TLN2: variants seen among roughly 807,000 people sequenced by gnomAD.
The protein encoded by TLN2 is talin-2.
Under a neutral mutation model 294.7 loss-of-function variants are expected in TLN2, and 118 were observed. The observed-to-expected ratio is 0.40, with a 90% CI of 0.34 to 0.47. TLN2 has a LOEUF of 0.47. TLN2 is among the 20% of genes least tolerant of loss of function. The probability of loss-of-function intolerance (pLI) is 0.84; values close to 1 mark genes in which losing one functional copy is unlikely to be tolerated. For synonymous variants in TLN2, 1,431 were observed against 1,304.5 expected (o/e 1.10, Z -2.09); for missense variants, 3,083 against 3,282.2 (o/e 0.94, Z 1.48).
At position 62,725,083 on chromosome 15, in the gene TLN2, G is replaced by A. The variant is rs1325213489; in HGVS notation, c.3234G>A (p.Leu1078=). 6.2e-7 allele frequency: 1 copy of A among 1,612,780 alleles called. No homozygotes were observed. Among genetic ancestry groups the A allele is most frequent in the African/African-American group, 1.3e-5 (1 of 75,054 alleles). ...AGATGGCAGCCGTGGAGAGCCAGCTGAAGCCACTTCCAGGGGAAACGGTGA... is the reference window on the plus strand; with the variant it reads ...AGATGGCAGCCGTGGAGAGCCAGCTAAAGCCACTTCCAGGGGAAACGGTGA... ...DAKMAAVESQ[L]KPLPGETLEK... is the part of the protein sequence containing the mutation. Residue 1078 remains leucine, a synonymous_variant, in exon 27 of 59, where the codon CTG becomes CTA. Coordinates refer to ENST00000636159, the MANE Select transcript of TLN2 (RefSeq NM_015059.3).
intron 21 of TLN2, among the ~76,000 whole-genome samples, chr15:62,711,414 C>A (rs527571168): frequency 6.6e-6 from 1 of 152,248 alleles, no homozygotes; most frequent in Middle Eastern, 3.4e-3. Flanking sequence ...AAGCGAAGGC[C>A]AAATGGCACA....
intron 2 of TLN2, among the ~76,000 whole-genome samples, chr15:62,595,786 G>A (rs2046450359): frequency 6.6e-6 from 1 of 152,168 alleles, no homozygotes. Context: ...ATTACATTAA[G>A]TGAAATAAGG....
intron 2 of TLN2, among the ~76,000 whole-genome samples, chr15:62,608,068 AAAT>A (rs1378227510): frequency 3.9e-5 from 6 of 152,072 alleles, no homozygotes; most frequent in African/African-American, 1.4e-4. Context: ...TGAGTTTGTG[AAAT>A]ATTAAGTTGG....
chr15:62,813,525 A>G (rs989997798), intron 52 of TLN2, among the ~76,000 whole-genome samples: 13 of 152,192 alleles, frequency 8.5e-5, no homozygotes, highest in African/African-American at 3.1e-4. Flanking sequence ...AAAAGATCCA[A>G]ATATATTTTA....
At position 62,653,051 on chromosome 15, in the gene TLN2, G is replaced by C. The variant is rs12916083; in HGVS notation, c.365-111G>C. ...CCCTGACCCTCATATTTGTAAGGCC[G>C]TTTCTGGTTCTTTGCCACCAGGAGC... On this transcript the variant is annotated intron_variant, in intron 6 of 58. Coordinates refer to ENST00000636159, the MANE Select transcript of TLN2 (RefSeq NM_015059.3). 333 of 870,228 alleles carry C rather than the reference G, an allele frequency of 3.8e-4. 1 individual carries two copies. In the African/African-American group the frequency reaches 5.2e-3, roughly 14 times the overall value. The allele number at this position is 870,228 out of a possible 1,614,324, so 53.9% of individuals were successfully genotyped here. A position where few individuals can be genotyped will look rare whatever the true frequency, so the allele number is the denominator to read the frequency against.
At chr15:62,770,853 C>T (rs2063310609) in intron 41 of TLN2, 111 bp from the exon 42 acceptor site, 1 of 1,317,052 alleles carries the variant, frequency 7.6e-7, no homozygotes, top group African/African-American at 1.5e-5. Context: ...TCTGCCTCTC[C>T]CTGTGAGTCA....
At chr15:62,682,371 C>A (rs945204975) in intron 11 of TLN2, among the ~76,000 whole-genome samples, 4 of 152,130 alleles carry the variant, frequency 2.6e-5, no homozygotes, top group Non-Finnish European at 4.4e-5. Context: ...CCGGATTTAG[C>A]ATTGGCCATA....
intron 14 of TLN2, among the ~76,000 whole-genome samples, chr15:62,696,768 A>G (rs1051159012): frequency 2.0e-5 from 3 of 152,216 alleles, no homozygotes; most frequent in African/African-American, 7.2e-5. Context: ...AATCTTCCCA[A>G]TATTTAGTTG....
At chr15:62,562,371 C>G (rs529303083) in intron 1 of TLN2, among the ~76,000 whole-genome samples, 1 of 152,024 alleles carries the variant, frequency 6.6e-6, no homozygotes, top group Non-Finnish European at 1.5e-5. Context: ...TTGTGGCCCT[C>G]GTCCTTCACT....
At chr15:62,582,243 CACA>C (rs1567138931) in intron 1 of TLN2, among the ~76,000 whole-genome samples, 3 of 145,054 alleles carry the variant, frequency 2.1e-5, no homozygotes, top group Admixed American at 6.9e-5. Context: ...CACACACACA[CACA>C]CATTCATGCC....
At chr15:62,829,498 C>G (rs532857552) in intron 54 of TLN2, 4 of 121,992 alleles carry the variant, frequency 3.3e-5, no homozygotes, top group African/African-American at 2.2e-4. Flanking sequence ...CACCAGGTCC[C>G]TCCCATGACA....
At chr15:62,804,554 C>T (rs775626445) in intron 50 of TLN2, among the ~76,000 whole-genome samples, 21 of 152,170 alleles carry the variant, frequency 1.4e-4, no homozygotes, top group Admixed American at 6.5e-5. Flanking sequence ...GCCGGGTTGA[C>T]TGAATTTTAT....
At chr15:62,481,760 A>T (rs1167426862) in intron 1 of TLN2, among the ~76,000 whole-genome samples, 1 of 150,142 alleles carries the variant, frequency 6.7e-6, no homozygotes, top group African/African-American at 2.4e-5. Flanking sequence ...TTTATCCCAT[A>T]TTTAAAGACT....
At chr15:62,396,659 C>A (rs770905380) in intron 1 of TLN2, among the ~76,000 whole-genome samples, 3 of 152,148 alleles carry the variant, frequency 2.0e-5, no homozygotes, top group Non-Finnish European at 2.9e-5. Context: ...TTTCTCTGAT[C>A]CCATACTGAA....
Position 62,809,937 on chromosome 15 carries a change from C to T in TLN2, c.6676C>T (p.His2226Tyr), listed in dbSNP as rs1215783072. ...MLTACKQASF[H>Y]PDVSDEVRTR... Reference sequence around the variant, plus strand: ...TTTCTCTCTCCAGCAAGCATCCTTCCACCCCGATGTCAGTGACGAGGTGAG... The same window carrying T: ...TTTCTCTCTCCAGCAAGCATCCTTCTACCCCGATGTCAGTGACGAGGTGAG... Residue 2226 changes from histidine (H) to tyrosine (Y), a missense_variant, in exon 52 of 59, where the codon CAC becomes TAC. Transcript: ENST00000636159. 6.2e-7 allele frequency: 1 copy of T among 1,614,126 alleles called. No individual in the cohort carries two copies. The highest frequency in any genetic ancestry group is 1.7e-5 in the Admixed American group (1 of 60,030).
chr15:62,627,048 A>G (rs2049348111), intron 3 of TLN2, among the ~76,000 whole-genome samples: 2 of 152,260 alleles, frequency 1.3e-5, no homozygotes, highest in South Asian at 4.1e-4. Flanking sequence ...AGGAAGGGCT[A>G]AGGTAAGTGC....
At chr15:62,829,183 A>G (rs1179904552) in intron 54 of TLN2, 1 of 148,566 alleles carries the variant, frequency 6.7e-6, no homozygotes, top group Non-Finnish European at 1.5e-5. Flanking sequence ...TTATATATAT[A>G]TAATACATGA....
intron 12 of TLN2, 66 bp from the exon 13 acceptor site, chr15:62,692,774 C>G: frequency 7.9e-7 from 1 of 1,265,174 alleles, no homozygotes; most frequent in Non-Finnish European, 1.1e-6. Flanking sequence ...TAGAGCTGGA[C>G]CTGCTAGCCT....
At chr15:62,560,786 G>A (rs1477916192) in intron 1 of TLN2, among the ~76,000 whole-genome samples, 1 of 152,228 alleles carries the variant, frequency 6.6e-6, no homozygotes, top group Non-Finnish European at 1.5e-5. Flanking sequence ...CATAATGAAG[G>A]CTGTCAGAGA....
Sources: gnomAD v4.1 joint callset for allele counts (sites outside exome capture counted in the v4.1 genomes callset) on GRCh38, gnomAD v4.1.1 for gene constraint, MANE v1.5 for transcripts, NCBI Gene and HGNC (gene_info 2026-07-23, HGNC 2026-07-21) for gene names.